The following ATG2A variants were observed in gnomAD, a reference collection of about 807,000 sequenced individuals.
ATG2A encodes the protein autophagy-related protein 2 homolog A.
ATG2A carries 103 observed loss-of-function variants against 214.2 expected under a neutral mutation model. The observed-to-expected ratio is 0.48, with a 90% CI of 0.41 to 0.57. ATG2A has a LOEUF of 0.57. Among genes scored for constraint, ATG2A ranks in the 20% least tolerant of loss-of-function variants. The pLI, the probability that ATG2A is intolerant of heterozygous loss-of-function variation, is 0.00. For synonymous variants in ATG2A, 1,160 were observed against 1,142.1 expected (o/e 1.02, Z -0.32); for missense variants, 2,312 against 2,613.2 (o/e 0.88, Z 2.51).
chr11:64,906,876 G>T, intron 19 of ATG2A, 61 bp from the exon 20 acceptor site: 4 of 1,548,926 alleles, frequency 2.6e-6, no homozygotes, highest in South Asian at 1.2e-5. Context: ...CAAGCCCTCT[G>T]GGGGTTGGCG....
rs757577564 is a variant in ATG2A, at chr11:64,910,779, C to T, written c.1614+28G>A. The T allele has an allele frequency of 1.4e-5, 22 of 1,610,694 alleles. No homozygotes were observed. The Middle Eastern group carries it at 4.9e-4, about 36-fold the overall frequency. ...AGCCACCCAAACCTCCAGACCCCGC[C>T]TCGTACACATTCTGCCTCTGCCCTC... On this transcript the variant is annotated intron_variant, in intron 11 of 40. Transcript: ENST00000377264.
At position 64,910,187 on chromosome 11, in the gene ATG2A, G is replaced by A. The variant is rs1476736005; in HGVS notation, c.1716C>T (p.Pro572=). 3 of 1,600,694 alleles carry A rather than the reference G, an allele frequency of 1.9e-6. No individual in the cohort carries two copies. The highest frequency in any genetic ancestry group is 2.6e-6 in the Non-Finnish European group (3 of 1,174,312). The part of the protein sequence containing the change: ...QILRRVPKSR[P]RRSVACHCHS... ...GGCAATGGCAGGCAACTGAGCGCCG[G>A]GGTCGGCTCTGAGGGCGAGGGCGTT... The change falls in exon 13 of 41, where the codon CCC becomes CCT. Residue 572 remains proline (P), a synonymous_variant. Transcript: ENST00000377264.
At chr11:64,912,794 T>C (rs921795756) in intron 6 of ATG2A, 8 of 470,362 alleles carry the variant, frequency 1.7e-5, no homozygotes, top group African/African-American at 1.2e-4. Context: ...GGTTTCACCA[T>C]GTTGGCCAGG....
rs1590656737 is a variant in ATG2A, at chr11:64,912,160, G to A, written c.1012C>T (p.Leu338=). 3 of 1,614,020 alleles carry A rather than the reference G, an allele frequency of 1.9e-6. No homozygotes were observed. The highest frequency in any genetic ancestry group is 2.5e-6 in the Non-Finnish European group (3 of 1,180,028). Residue 338 remains leucine, a synonymous_variant, in exon 8 of 41, where the codon CTG becomes TTG. Coordinates refer to ENST00000377264, the MANE Select transcript of ATG2A (RefSeq NM_015104.3). Reference sequence around the variant, plus strand: ...GGCTCAGCCACTGCCCCTGCCTGCAGCTGCTGGTTCAGGTCCTGCTCAATC... The same window carrying A: ...GGCTCAGCCACTGCCCCTGCCTGCAACTGCTGGTTCAGGTCCTGCTCAATC... ...WLIEQDLNQQ[L]QAGAVAEPLS...
chr11:64,904,077 G>A (rs948249667), intron 24 of ATG2A, among the ~76,000 whole-genome samples: 2 of 149,650 alleles, frequency 1.3e-5, no homozygotes, highest in Non-Finnish European at 3.0e-5. Flanking sequence ...GAAACCCCAT[G>A]TCTACTAAAA....
At chr11:64,908,235 C>T (rs867527082) in intron 16 of ATG2A, among the ~76,000 whole-genome samples, 1 of 151,994 alleles carries the variant, frequency 6.6e-6, no homozygotes, top group African/African-American at 2.4e-5. Flanking sequence ...CTGGCCAACA[C>T]GGTGAAACCC....
At position 64,895,348 on chromosome 11, in the gene ATG2A, C is replaced by T. The variant is rs935545659; in HGVS notation, c.5522G>A (p.Gly1841Asp). 6.2e-7 allele frequency: 1 copy of T among 1,613,218 alleles called. No individual in the cohort carries two copies. Reference sequence around the variant, plus strand: ...CTCCCGCAGGTCGGCAGGCTGCTGGCCCCTGCGCAGCCTCCGCGCAGAGCG... The same window carrying T: ...CTCCCGCAGGTCGGCAGGCTGCTGGTCCCTGCGCAGCCTCCGCGCAGAGCG... ...DKRSARRLRR[G>D]QQPADLREGV... The change falls in exon 40 of 41, where the codon GGC becomes GAC. Residue 1841 changes from glycine to aspartate, a missense_variant. Gly to Asp is a moderately conservative substitution (Grantham distance 94, BLOSUM62 -1). Coordinates refer to ENST00000377264, the MANE Select transcript of ATG2A (RefSeq NM_015104.3). This position sits in a 1 kb window ranked among gnomAD's most constrained non-coding sequence, Gnocchi z 5.0.
Position 64,896,785 on chromosome 11 carries a change from C to T in ATG2A, c.5235G>A (p.Leu1745=). 6.2e-7 allele frequency: 1 copy of T among 1,614,222 alleles called. No individual in the cohort carries two copies. The highest frequency in any genetic ancestry group is 1.1e-5 in the South Asian group (1 of 91,088). Residue 1745 remains leucine, a synonymous_variant, in exon 38 of 41, where the codon CTG becomes CTA. Transcript: ENST00000377264. ...DIRKNQLPGL[L]GGVGPMHSVV... ...CCGAGTGCATGGGGCCCACGCCTCCCAGCAGGCCGGGCAGCTGGTTCTTGC... is the reference window on the plus strand; with the variant it reads ...CCGAGTGCATGGGGCCCACGCCTCCTAGCAGGCCGGGCAGCTGGTTCTTGC...
In ATG2A at chr11:64,910,826, G is replaced by A. The variant is rs1944742633; in HGVS notation, c.1595C>T (p.Ser532Phe). The A allele has an allele frequency of 6.2e-7, 1 of 1,609,790 alleles. No individual in the cohort carries two copies. Among genetic ancestry groups the A allele is most frequent in the Non-Finnish European group, 8.5e-7 (1 of 1,178,444 alleles). Residue 532 changes from serine to phenylalanine, a missense_variant, in exon 11 of 41, where the codon TCT (serine) becomes TTT (phenylalanine). Transcript: ENST00000377264. ...CCTCACCTCCGTGTACTCAGGCTCAGAGGTGCCCCGGGGCCACAGACACTC... is the reference window on the plus strand; with the variant it reads ...CCTCACCTCCGTGTACTCAGGCTCAAAGGTGCCCCGGGGCCACAGACACTC... ...VLECLWPRGT[S>F]EPEYTEILTF...
intron 39 of ATG2A, among the ~76,000 whole-genome samples, chr11:64,896,246 C>T (rs748602943): frequency 4.1e-4 from 63 of 152,254 alleles, no homozygotes; most frequent in Non-Finnish European, 4.3e-4. Context: ...GGGGCACTCC[C>T]GCTCCTGCAT....
intron 1 of ATG2A, among the ~76,000 whole-genome samples, chr11:64,915,090 G>A (rs549625193): frequency 5.3e-5 from 8 of 151,436 alleles, no homozygotes; most frequent in Admixed American, 1.3e-4. Flanking sequence ...AGAGTTCAAA[G>A]GGACAGTGTC....
In ATG2A at chr11:64,898,497, T is replaced by C. The variant is rs1944237251; in HGVS notation, c.4672-135A>G. On this transcript the variant is annotated intron_variant, in intron 32 of 40. Coordinates refer to ENST00000377264, the MANE Select transcript of ATG2A (RefSeq NM_015104.3). The surrounding 1 kb of genome is among the most constrained non-coding windows in gnomAD (Gnocchi z 4.5). ...CCTTCGCTAACACAGCCCCTAGCTC[T>C]GCCCTTCTCCCAGGCTCACAAACAA... 2.3e-6 allele frequency: 3 copies of C among 1,329,322 alleles called. No homozygotes were observed. The highest frequency in any genetic ancestry group is 3.1e-6 in the Non-Finnish European group (3 of 959,288). The allele number at this position is 1,329,322 out of a possible 1,614,324, so 82.3% of individuals were successfully genotyped here. A position where few individuals can be genotyped will look rare whatever the true frequency, so the allele number is the denominator to read the frequency against.
rs766352739 is a variant in ATG2A at position 64,913,779 on chromosome 11, C to T, written c.590+42G>A. On this transcript the variant is annotated intron_variant, in intron 4 of 40. Transcript: ENST00000377264. The surrounding 1 kb of genome is among the most constrained non-coding windows in gnomAD (Gnocchi z 4.3). ...GGGGACCATCCAGCAGCCCCCACTC[C>T]CCATCTTCACACCAGTCCACCCCAG... The T allele has an allele frequency of 5.0e-5, 79 of 1,588,984 alleles. No individual in the cohort carries two copies. The highest frequency in any genetic ancestry group is 5.7e-5 in the Non-Finnish European group (66 of 1,163,316).
At position 64,896,594 on chromosome 11, in the gene ATG2A, C is replaced by T. The variant is rs1350176696; in HGVS notation, c.5295G>A (p.Leu1765=). 1.2e-5 allele frequency: 19 copies of T among 1,613,878 alleles called. No homozygotes were observed. Among genetic ancestry groups the T allele is most frequent in the Non-Finnish European group, 1.5e-5 (18 of 1,179,918 alleles). ...VQLFQGFRDL[L]WLPIEQYRKD... is the part of the protein sequence containing the mutation. ...TCCTGTACTGCTCAATGGGCAGCCA[C>T]AGCAGGTCCCGGAACCCTTGGACTA... is the stretch of plus-strand genomic sequence containing the variant. Residue 1765 remains leucine, a synonymous_variant, in exon 39 of 41, where the codon CTG becomes CTA. Transcript: ENST00000377264.
Position 64,912,350 on chromosome 11 carries a change from A to G in ATG2A, c.899T>C (p.Leu300Pro). 1 of 1,505,190 alleles carries G rather than the reference A, an allele frequency of 6.6e-7. No homozygotes were observed. The highest frequency in any genetic ancestry group is 9.0e-7 in the Non-Finnish European group (1 of 1,117,274). 93.2% of individuals were successfully genotyped at this position (1,505,190 alleles called of 1,614,324 possible). The change falls in exon 7 of 41, where the codon CTG (leucine) becomes CCG (proline). Residue 300 changes from leucine (L) to proline (P), a missense_variant. Coordinates refer to ENST00000377264, the MANE Select transcript of ATG2A (RefSeq NM_015104.3). ...ACCTGTAAGGCTCACGGCGCTGAGC[A>G]GTTCCTGAAGTTGCTGGAGCTGCCT... ...TPRQLQQLQE[L>P]LSAVSLTDHE...
rs1261576864 is a variant in ATG2A, at chr11:64,910,837, G to C, written c.1584C>G (p.Pro528=). 1 of 1,609,168 alleles carries C rather than the reference G, an allele frequency of 6.2e-7. No homozygotes were observed. The highest frequency in any genetic ancestry group is 1.1e-5 in the South Asian group (1 of 90,328). Residue 528 remains proline (P), a synonymous_variant, in exon 11 of 41, where the codon CCC becomes CCG. Coordinates refer to ENST00000377264, the MANE Select transcript of ATG2A (RefSeq NM_015104.3). ...GQLEVLECLW[P]RGTSEPEYTE... ...TGTACTCAGGCTCAGAGGTGCCCCG[G>C]GGCCACAGACACTCCAGCACCTCCA...
Position 64,913,768 on chromosome 11 carries a change from A to G in ATG2A, c.590+53T>C, listed in dbSNP as rs1243836432. 1 of 1,538,984 alleles carries G rather than the reference A, an allele frequency of 6.5e-7. No homozygotes were observed. Among genetic ancestry groups the G allele is most frequent in the Non-Finnish European group, 8.9e-7 (1 of 1,120,736 alleles). On this transcript the variant is annotated intron_variant, in intron 4 of 40. Coordinates refer to ENST00000377264, the MANE Select transcript of ATG2A (RefSeq NM_015104.3). The surrounding 1 kb of genome is among the most constrained non-coding windows in gnomAD (Gnocchi z 4.3). ...AGGCTGCGGGTGGGGACCATCCAGC[A>G]GCCCCCACTCCCCATCTTCACACCA...
rs940230136 is a variant in ATG2A, at chr11:64,903,216, G to C, written c.3612+72C>G. ...CGGAGCCCAGGCACGTGAGGGAGCA[G>C]CAGCCCCTGAAGACTCCCTTGGCCC... On this transcript the variant is annotated intron_variant, in intron 26 of 40. Coordinates refer to ENST00000377264, the MANE Select transcript of ATG2A (RefSeq NM_015104.3). The surrounding 1 kb of genome is among the most constrained non-coding windows in gnomAD (Gnocchi z 4.2). The C allele has an allele frequency of 2.1e-5, 30 of 1,427,408 alleles. No homozygotes were observed. Among genetic ancestry groups the C allele is most frequent in the Admixed American group, 1.9e-4 (11 of 57,814 alleles). 88.4% of individuals were successfully genotyped at this position (1,427,408 alleles called of 1,614,324 possible). A position where few individuals can be genotyped will look rare whatever the true frequency, so the allele number is the denominator to read the frequency against.
intron 29 of ATG2A, among the ~76,000 whole-genome samples, chr11:64,901,451 T>C (rs1944348688): frequency 6.6e-6 from 1 of 152,152 alleles, no homozygotes. Context: ...CCTCCCAAAT[T>C]GCTGGGATTA....
Sources: allele counts gnomAD v4.1 joint callset (sites outside exome capture counted in the v4.1 genomes callset), GRCh38; gene constraint gnomAD v4.1.1; non-coding constraint Gnocchi (gnomAD v3.1); transcripts MANE v1.5; gene names NCBI Gene and HGNC (gene_info 2026-07-23, HGNC 2026-07-21).